The following CDC42BPB variants were observed in gnomAD, a reference collection of about 807,000 sequenced individuals.
CDC42BPB encodes CDC42 binding protein kinase beta.
A neutral mutation model predicts 214.9 loss-of-function variants in CDC42BPB; 37 were observed. The ratio of observed to expected loss-of-function variants is 0.17; its 90% CI spans 0.13 to 0.23. The LOEUF (loss-of-function observed/expected upper bound fraction) is 0.23. Among genes scored for constraint, CDC42BPB ranks in the 10% least tolerant of loss-of-function variants. CDC42BPB has a pLI of 1.00. For synonymous variants in CDC42BPB, 931 were observed against 884.0 expected (o/e 1.05, Z -0.94); for missense variants, 1,694 against 2,227.0 (o/e 0.76, Z 4.82).
At chr14:102,975,034 G>C (rs1170273379) in intron 11 of CDC42BPB, among the ~76,000 whole-genome samples, 1 of 152,238 alleles carries the variant, frequency 6.6e-6, no homozygotes, top group African/African-American at 2.4e-5. Context: ...AGTGGTGACA[G>C]CAGGTCTAGC....
Position 102,966,317 on chromosome 14 carries a change from C to T in CDC42BPB, c.2542G>A (p.Ala848Thr). ...GACCCCAGACTAGAACTCCTCAAAG[C>T]CTCGAGCTCTTCGGTCATCTTGGAA... ...LASKMTEELE[A>T]LRSSSLGSRT... Residue 848 changes from alanine (A) to threonine (T), a missense_variant, in exon 18 of 37, where the codon GCT becomes ACT. Physicochemically the swap from Ala to Thr is moderately conservative, Grantham distance 58. Transcript: ENST00000361246. 6.2e-7 allele frequency: 1 copy of T among 1,614,102 alleles called. No individual in the cohort carries two copies. The highest frequency in any genetic ancestry group is 8.5e-7 in the Non-Finnish European group (1 of 1,179,956).
chr14:103,010,727 G>A (rs1235011415), intron 2 of CDC42BPB, among the ~76,000 whole-genome samples: 1 of 152,232 alleles, frequency 6.6e-6, no homozygotes, highest in African/African-American at 2.4e-5. Context: ...CTAAGGCACT[G>A]CACAGTTTAA....
chr14:103,022,888 GC>G (rs1886848980), intron 1 of CDC42BPB, among the ~76,000 whole-genome samples: 1 of 149,502 alleles, frequency 6.7e-6, no homozygotes, highest in East Asian at 1.9e-4. Context: ...TCTGGAATGG[GC>G]TCACCCACCC....
At chr14:103,003,538 C>T (rs1256940238) in intron 4 of CDC42BPB, among the ~76,000 whole-genome samples, 1 of 152,222 alleles carries the variant, frequency 6.6e-6, no homozygotes, top group African/African-American at 2.4e-5. Context: ...GGACTGCAGG[C>T]CCACGAGAGG....
chr14:102,943,171 T>C lies in CDC42BPB; in HGVS notation c.4408+720A>G, dbSNP rs1466783841. On this transcript the variant is annotated intron_variant, in intron 30 of 36. Transcript: ENST00000361246. This position sits in a 1 kb window ranked among gnomAD's most constrained non-coding sequence, Gnocchi z 4.6. Reference sequence around the variant, plus strand: ...ACAGGTGTGAGCCATATTTTGTTATTTAGTAGAGATGAGGCTGGTATTGAA... The same window carrying C: ...ACAGGTGTGAGCCATATTTTGTTATCTAGTAGAGATGAGGCTGGTATTGAA... 6.6e-6 allele frequency among the ~76,000 whole-genome samples: 1 copy of C among 151,934 alleles called. No individual in the cohort carries two copies. Among genetic ancestry groups the C allele is most frequent in the Non-Finnish European group, 1.5e-5 (1 of 67,960 alleles).
chr14:102,954,531 A>AC, intron 22 of CDC42BPB, 71 bp downstream of exon 22: 1 of 1,464,120 alleles, frequency 6.8e-7, no homozygotes, highest in Non-Finnish European at 9.4e-7. Context: ...GGGCCAGGTG[A>AC]GCAGCATCTG....
chr14:102,966,853 G>GT (rs1893228718), intron 17 of CDC42BPB, among the ~76,000 whole-genome samples, 193 bp downstream of exon 17: 1 of 152,088 alleles, frequency 6.6e-6, no homozygotes, highest in African/African-American at 2.4e-5. Context: ...TGGTGGGGGC[G>GT]TATCTCCACC....
At chr14:103,024,908 A>G (rs921405351) in intron 1 of CDC42BPB, among the ~76,000 whole-genome samples, 1 of 152,006 alleles carries the variant, frequency 6.6e-6, no homozygotes, top group Non-Finnish European at 1.5e-5. Flanking sequence ...ATCCCTTGTT[A>G]TTTGTCTTTA....
chr14:102,935,847 T>C (rs1377259836), intron 36 of CDC42BPB, among the ~76,000 whole-genome samples: 1 of 149,650 alleles, frequency 6.7e-6, no homozygotes, highest in Non-Finnish European at 1.5e-5. Flanking sequence ...CATCTGCACA[T>C]CACATCTCTC....
chr14:103,003,718 G>GA (rs1186369268), intron 4 of CDC42BPB, among the ~76,000 whole-genome samples: 1 of 152,092 alleles, frequency 6.6e-6, no homozygotes, highest in Non-Finnish European at 1.5e-5. Context: ...CTAGTGATTA[G>GA]AAAAAAACAA....
chr14:103,016,485 A>G (rs1886469563), intron 1 of CDC42BPB, among the ~76,000 whole-genome samples: 1 of 117,280 alleles, frequency 8.5e-6, no homozygotes, highest in African/African-American at 3.4e-5. Context: ...AGGTGAGGGG[A>G]GGGAACCAGG....
chr14:102,954,813 C>A, intron 21 of CDC42BPB, 125 bp from the exon 22 acceptor site: 1 of 1,457,086 alleles, frequency 6.9e-7, no homozygotes, highest in African/African-American at 1.4e-5. Flanking sequence ...GCGGTTCTTA[C>A]TCCTGGATCC....
intron 1 of CDC42BPB, among the ~76,000 whole-genome samples, chr14:103,020,265 A>G (rs1007590682): frequency 3.9e-4 from 59 of 152,306 alleles, no homozygotes; most frequent in African/African-American, 1.3e-3. Flanking sequence ...CAGGGCCCCA[A>G]TGGCCAAGCA....
intron 28 of CDC42BPB, 87 bp from the exon 29 acceptor site, chr14:102,945,811 G>T: frequency 8.8e-7 from 1 of 1,140,478 alleles, no homozygotes; most frequent in Non-Finnish European, 1.3e-6. Flanking sequence ...CTCATTCACA[G>T]ATACTTTTCA....
chr14:102,976,409 C>A (rs1238881118), intron 9 of CDC42BPB, among the ~76,000 whole-genome samples: 1 of 152,244 alleles, frequency 6.6e-6, no homozygotes, highest in Admixed American at 6.5e-5. Flanking sequence ...TACGCATGGA[C>A]CACTGAAAGC....
At chr14:103,023,669 CT>C (rs1190723948) in intron 1 of CDC42BPB, among the ~76,000 whole-genome samples, 4 of 151,830 alleles carry the variant, frequency 2.6e-5, no homozygotes, top group African/African-American at 9.7e-5. Context: ...TAATTTTTTC[CT>C]TTTTTTAACT....
At chr14:102,956,714 A>G (rs1032819595) in intron 21 of CDC42BPB, among the ~76,000 whole-genome samples, 1 of 152,182 alleles carries the variant, frequency 6.6e-6, no homozygotes, top group Non-Finnish European at 1.5e-5. Flanking sequence ...CTGTAGTGCC[A>G]GCTACTCAGG....
chr14:102,958,510 C>G (rs1892809743), intron 21 of CDC42BPB, among the ~76,000 whole-genome samples: 2 of 152,260 alleles, frequency 1.3e-5, no homozygotes, highest in South Asian at 4.2e-4. Context: ...ACTCTCCCTG[C>G]TCCAATATGC....
At chr14:103,023,229 G>A (rs1476326603) in intron 1 of CDC42BPB, among the ~76,000 whole-genome samples, 1 of 149,948 alleles carries the variant, frequency 6.7e-6, no homozygotes, top group Admixed American at 6.7e-5. Context: ...GTGCACTGGC[G>A]CGATCTCGGC....
Sources: allele counts gnomAD v4.1 joint callset (sites outside exome capture counted in the v4.1 genomes callset), GRCh38; gene constraint gnomAD v4.1.1; non-coding constraint Gnocchi (gnomAD v3.1); transcripts MANE v1.5; gene names NCBI Gene and HGNC (gene_info 2026-07-23, HGNC 2026-07-21).